The following POLR1A variants were observed in gnomAD, a reference collection of about 807,000 sequenced individuals.
POLR1A encodes the protein RNA polymerase I subunit A, also known as DNA-directed RNA polymerase I subunit RPA1.
Under a neutral mutation model 205.3 loss-of-function variants are expected in POLR1A, and 84 were observed. The ratio of observed to expected loss-of-function variants is 0.41; its 90% CI spans 0.34 to 0.49. The LOEUF (loss-of-function observed/expected upper bound fraction) is 0.49. POLR1A is among the 20% of genes least tolerant of loss of function. The pLI is 0.22. For missense variants in POLR1A, 1,645 were observed against 2,204.5 expected, an observed-to-expected ratio of 0.75 and a Z score of 5.08; for synonymous variants, 799 against 863.7, an observed-to-expected ratio of 0.93 and a Z score of 1.31.
Position 86,028,924 on chromosome 2 carries a change from G to A in POLR1A, c.4780-213C>T, listed in dbSNP as rs911854420. 4.8e-5 allele frequency: 26 copies of A among 542,596 alleles called. No homozygotes were observed. The highest frequency in any genetic ancestry group is 1.1e-4 in the East Asian group (4 of 34,798). The allele number at this position is 542,596 out of a possible 1,614,324, so 33.6% of individuals were successfully genotyped here. A position where few individuals can be genotyped will look rare whatever the true frequency, so the allele number is the denominator to read the frequency against. ...CTGGCCGGGGCCCAAGGTCTGTATCGTCATTACAAGAATCCAGCGTGTCCA... is the reference window on the plus strand; with the variant it reads ...CTGGCCGGGGCCCAAGGTCTGTATCATCATTACAAGAATCCAGCGTGTCCA... On this transcript the variant is annotated intron_variant, in intron 31 of 33. Coordinates refer to ENST00000263857, the MANE Select transcript of POLR1A (RefSeq NM_015425.6). The surrounding 1 kb of genome is among the most constrained non-coding windows in gnomAD (Gnocchi z 4.5).
At chr2:86,027,849 T>C (rs1672297322) in intron 33 of POLR1A, 36 bp downstream of exon 33, 1 of 1,611,560 alleles carries the variant, frequency 6.2e-7, no homozygotes, top group Non-Finnish European at 8.5e-7. Context: ...GAGTCGTCAG[T>C]AGAGGGGAGG....
At position 86,065,290 on chromosome 2, in the gene POLR1A, A is replaced by G; in HGVS notation, c.2042T>C (p.Leu681Pro). ...CCCAATTACCTGTTTTCCTGTCCAC[A>G]GCGGAAAGGGCTTCAGGATGGAAGG... ...LSPSILKPFP[L>P]WTGKQVVSTL... Residue 681 changes from leucine to proline, a missense_variant, in exon 14 of 34, where the codon CTG becomes CCG. Transcript: ENST00000263857. The G allele has an allele frequency of 6.2e-7, 1 of 1,613,624 alleles. No homozygotes were observed.
intron 21 of POLR1A, 94 bp from the exon 22 acceptor site, chr2:86,044,398 G>C (rs890880302): frequency 1.3e-5 from 17 of 1,354,040 alleles, no homozygotes; most frequent in Middle Eastern, 1.9e-4. Context: ...GGAGGGAAAG[G>C]GGGGCTCCTG....
intron 3 of POLR1A, among the ~76,000 whole-genome samples, chr2:86,094,306 C>T (rs975536230): frequency 1.3e-5 from 2 of 152,144 alleles, no homozygotes; most frequent in Admixed American, 6.5e-5. Context: ...TCATGGATTC[C>T]TACTTTATTC....
At chr2:86,031,783 G>T in intron 29 of POLR1A, 148 bp from the exon 30 acceptor site, 1 of 1,084,972 alleles carries the variant, frequency 9.2e-7, no homozygotes, top group Non-Finnish European at 1.3e-6. Context: ...CTCTGCTCCG[G>T]CCTGGTTGGT....
intron 19 of POLR1A, among the ~76,000 whole-genome samples, chr2:86,046,075 T>C (rs756904370): frequency 6.6e-6 from 1 of 152,094 alleles, no homozygotes; most frequent in African/African-American, 2.4e-5. Flanking sequence ...AGGGTCCTGA[T>C]GGGGAAAGAG....
intron 9 of POLR1A, among the ~76,000 whole-genome samples, chr2:86,079,275 C>A (rs1159048755): frequency 6.6e-6 from 1 of 152,170 alleles, no homozygotes; most frequent in South Asian, 2.1e-4. Flanking sequence ...GATACGATCA[C>A]CTGCATGATG....
intron 12 of POLR1A, among the ~76,000 whole-genome samples, chr2:86,074,567 C>T (rs1296970863): frequency 1.3e-5 from 2 of 152,196 alleles, no homozygotes; most frequent in South Asian, 4.1e-4. Flanking sequence ...TTCCCTACCA[C>T]AGCACTATGG....
chr2:86,030,499 G>A, intron 30 of POLR1A, 103 bp from the exon 31 acceptor site: 1 of 807,322 alleles, frequency 1.2e-6, no homozygotes. Context: ...CTCCCTGGCT[G>A]GGGGAAAGTG....
chr2:86,047,290 A>G (rs1672726595), intron 18 of POLR1A, 27 bp from the exon 19 acceptor site: 1 of 1,473,712 alleles, frequency 6.8e-7, no homozygotes, highest in Non-Finnish European at 9.5e-7. Context: ...CACAGTGGTC[A>G]GTGACTTCAC....
chr2:86,095,201 C>T (rs1307179927), intron 3 of POLR1A, among the ~76,000 whole-genome samples: 1 of 152,174 alleles, frequency 6.6e-6, no homozygotes, highest in Admixed American at 6.5e-5. Flanking sequence ...TTGGGGAATC[C>T]CAGCTTGCTC....
At chr2:86,097,487 A>G (rs1425411566) in intron 3 of POLR1A, among the ~76,000 whole-genome samples, 1 of 152,218 alleles carries the variant, frequency 6.6e-6, no homozygotes, top group African/African-American at 2.4e-5. Context: ...ATATGGAACC[A>G]ACCTAGATGT....
chr2:86,066,936 C>T (rs909614652), intron 13 of POLR1A, among the ~76,000 whole-genome samples: 3 of 152,202 alleles, frequency 2.0e-5, no homozygotes, highest in African/African-American at 7.2e-5. Context: ...GGGGGAAAAA[C>T]CCAAACCAGT....
intron 18 of POLR1A, among the ~76,000 whole-genome samples, chr2:86,047,848 A>G (rs1417902479): frequency 6.6e-6 from 1 of 152,160 alleles, no homozygotes; most frequent in Non-Finnish European, 1.5e-5. Flanking sequence ...CTGGAATTCC[A>G]CAGACTTGGC....
In POLR1A at chr2:86,105,831, G is replaced by C. The variant is rs1006243893; in HGVS notation, c.-55C>G. 6.9e-7 allele frequency: 1 copy of C among 1,440,942 alleles called. No individual in the cohort carries two copies. Among genetic ancestry groups the C allele is most frequent in the South Asian group, 1.1e-5 (1 of 87,130 alleles). 89.3% of individuals were successfully genotyped at this position (1,440,942 alleles called of 1,614,324 possible). On this transcript the variant is annotated 5_prime_UTR_variant, in exon 1 of 34. Coordinates refer to ENST00000263857, the MANE Select transcript of POLR1A (RefSeq NM_015425.6). ...CCAAGAGACGTTCCACTCACCACCT[G>C]ACTATTCTTAATTCAACCTCAAGCC...
chr2:86,038,246 G>A (rs1672533785), intron 27 of POLR1A, among the ~76,000 whole-genome samples: 1 of 152,214 alleles, frequency 6.6e-6, no homozygotes, highest in Admixed American at 6.5e-5. Context: ...ACAGCAGCGT[G>A]CCACCCGCAC....
rs974171282 is a variant in POLR1A at position 86,022,019 on chromosome 2, C to T, written c.*5404G>A. ...TAAACCCTGCTCCTTGATGACCACT[C>T]GTGGTAGGACAGCGATGCTGCTTAA... is the stretch of plus-strand genomic sequence containing the variant. On this transcript the variant is annotated 3_prime_UTR_variant, in exon 34 of 34. Transcript: ENST00000263857. 1 of 152,312 alleles carries T rather than the reference C, an allele frequency of 6.6e-6. No homozygotes were observed. Among genetic ancestry groups the T allele is most frequent in the African/African-American group, 2.4e-5 (1 of 41,564 alleles). 9.4% of individuals were successfully genotyped at this position (152,312 alleles called of 1,614,324 possible).
At chr2:86,081,520 C>A in intron 8 of POLR1A, 81 bp downstream of exon 8, 1 of 864,090 alleles carries the variant, frequency 1.2e-6, no homozygotes, top group Non-Finnish European at 1.8e-6. Context: ...GCCCTTGGCC[C>A]TTTCACCTCT....
At chr2:86,082,935 C>T in intron 7 of POLR1A, 147 bp downstream of exon 7, 2 of 614,870 alleles carry the variant, frequency 3.3e-6, no homozygotes, top group Admixed American at 5.4e-5. Context: ...GTCAATGTGC[C>T]CTGAAGACTG....
Sources: allele counts gnomAD v4.1 joint callset (sites outside exome capture counted in the v4.1 genomes callset), GRCh38; gene constraint gnomAD v4.1.1; non-coding constraint Gnocchi (gnomAD v3.1); transcripts MANE v1.5; gene names NCBI Gene and HGNC (gene_info 2026-07-23, HGNC 2026-07-21).